The following RGL1 variants were observed in gnomAD, a reference collection of about 807,000 sequenced individuals.
The protein encoded by RGL1 is ral guanine nucleotide dissociation stimulator like 1, also known as ral guanine nucleotide dissociation stimulator-like 1.
A neutral mutation model predicts 95.2 loss-of-function variants in RGL1; 24 were observed. That is an observed-to-expected ratio of 0.25 (90% CI 0.18 to 0.35). The LOEUF (loss-of-function observed/expected upper bound fraction) is 0.35, where lower values mean the gene tolerates loss of function less well. RGL1 is among the 10% of genes least tolerant of loss of function. The pLI, the probability that RGL1 is intolerant of heterozygous loss-of-function variation, is 1.00. For missense variants in RGL1, 715 were observed against 936.3 expected (o/e 0.76, Z 3.08); for synonymous variants, 329 against 344.9 (o/e 0.95, Z 0.51).
chr1:183,644,670 T>C (rs1048493371), intron 1 of RGL1, among the ~76,000 whole-genome samples: 8 of 152,102 alleles, frequency 5.3e-5, no homozygotes, highest in Non-Finnish European at 1.2e-4. Context: ...TTTTTAATTT[T>C]TAAATTTATT....
chr1:183,638,346 G>A (rs1361081620), intron 1 of RGL1, among the ~76,000 whole-genome samples: 1 of 152,142 alleles, frequency 6.6e-6, no homozygotes, highest in Non-Finnish European at 1.5e-5. Context: ...TTCTAATGCA[G>A]TATTTTTTAT....
intron 2 of RGL1, among the ~76,000 whole-genome samples, chr1:183,807,346 G>A (rs1326593350): frequency 6.6e-6 from 1 of 152,216 alleles, no homozygotes; most frequent in African/African-American, 2.4e-5. Context: ...TAGAGGGGGT[G>A]GAGTGTGATT....
chr1:183,773,072 C>T (rs1659385654), intron 2 of RGL1, among the ~76,000 whole-genome samples: 1 of 149,476 alleles, frequency 6.7e-6, no homozygotes, highest in South Asian at 2.1e-4. Flanking sequence ...ATCTATAATC[C>T]CAATGCCTTT....
chr1:183,688,494 G>A (rs1653754588), intron 1 of RGL1, among the ~76,000 whole-genome samples: 1 of 152,076 alleles, frequency 6.6e-6, no homozygotes, highest in South Asian at 2.1e-4. Context: ...GGACTTTCAT[G>A]TCTTTAAAAG....
In RGL1 at chr1:183,880,623, G is replaced by A. The variant is rs1388410955; in HGVS notation, c.433G>A (p.Ala145Thr). ...TCCATTTGTCTTTCTCAGTGCAATC[G>A]CTTCCATACTAAGGGCCTGGCTTGA... ...ESKMVIRNAI[A>T]SILRAWLDQC... The change falls in exon 5 of 18, where the codon GCT becomes ACT. Residue 145 changes from alanine to threonine, a missense_variant. By Grantham distance (58) the Ala-to-Thr change is moderately conservative. Coordinates refer to ENST00000360851, the MANE Select transcript of RGL1 (RefSeq NM_001297671.3). 1.4e-5 allele frequency: 23 copies of A among 1,613,368 alleles called. No homozygotes were observed. Among genetic ancestry groups the A allele is most frequent in the Non-Finnish European group, 1.9e-5 (22 of 1,179,746 alleles).
intron 2 of RGL1, among the ~76,000 whole-genome samples, chr1:183,846,240 G>A (rs1664419607): frequency 6.6e-6 from 1 of 152,162 alleles, no homozygotes; most frequent in African/African-American, 2.4e-5. Context: ...CATGTCCTTT[G>A]GAGGGACATG....
At chr1:183,812,678 G>A (rs887634551) in intron 2 of RGL1, among the ~76,000 whole-genome samples, 1 of 152,242 alleles carries the variant, frequency 6.6e-6, no homozygotes, top group African/African-American at 2.4e-5. Context: ...GCGAGTGACA[G>A]GTGGGCAGTC....
chr1:183,675,717 A>T (rs549961916), intron 1 of RGL1, among the ~76,000 whole-genome samples: 1 of 152,348 alleles, frequency 6.6e-6, no homozygotes, highest in South Asian at 2.1e-4. Flanking sequence ...GTTGAGCTAA[A>T]ATATACTCTC....
chr1:183,711,572 G>A lies in RGL1; in HGVS notation c.-32-30554G>A, dbSNP rs77736618. On this transcript the variant is annotated intron_variant, in intron 1 of 18. Coordinates refer to the RGL1 transcript ENST00000304685. ...TCTTAAGATTAGTAAGGTTGAATGGGGTACAAAGGTGAGAGTCTAGGGGCC... is the reference window on the plus strand; with the variant it reads ...TCTTAAGATTAGTAAGGTTGAATGGAGTACAAAGGTGAGAGTCTAGGGGCC... Among the ~76,000 whole-genome samples the A allele has an allele frequency of 2.2e-3, 341 of 152,282 alleles. 12 individuals are homozygous for A. The East Asian group carries it at 0.057, about 26-fold the overall frequency.
In RGL1 at chr1:183,892,101, A is replaced by T. The variant is rs1204931192; in HGVS notation, c.1080A>T (p.Glu360Asp). 17 of 1,612,606 alleles carry T rather than the reference A, an allele frequency of 1.1e-5. No homozygotes were observed. The highest frequency in any genetic ancestry group is 1.4e-5 in the Non-Finnish European group (16 of 1,179,188). The change falls in exon 9 of 18, where the codon GAA becomes GAT. Residue 360 changes from glutamate (E) to aspartate (D), a missense_variant. Glu to Asp is a conservative substitution (Grantham distance 45). This residue lies in a region of RGL1 where 381 missense variants were observed against 484.8 expected (regional missense o/e 0.79). Coordinates refer to ENST00000360851, the MANE Select transcript of RGL1 (RefSeq NM_001297671.3). Reference sequence around the variant, plus strand: ...GGGACCGAATGCTGATGTTTGAAGAACTTTCAGATATCTTCTCAGACCATA... The same window carrying T: ...GGGACCGAATGCTGATGTTTGAAGATCTTTCAGATATCTTCTCAGACCATA... ...VPRDRMLMFE[E>D]LSDIFSDHNN...
rs1030937451 is a variant in RGL1 at position 183,907,681 on chromosome 1, C to T, written c.1562+580C>T. On this transcript the variant is annotated intron_variant, in intron 14 of 17. Transcript: ENST00000360851. ...CCCTTTCTAATGTTGCTGTCCACCC[C>T]TCATTCTCATTCATACTAGCTGCTT... Among the ~76,000 whole-genome samples the T allele has an allele frequency of 2.0e-5, 3 of 152,320 alleles. No homozygotes were observed. The South Asian group carries it at 6.2e-4, about 32-fold the overall frequency.
intron 1 of RGL1, chr1:183,709,265 T>A (rs746735415): frequency 6.6e-6 from 1 of 152,330 alleles, no homozygotes; most frequent in Non-Finnish European, 1.5e-5. Context: ...ATTCACCCCC[T>A]CACCCTCTTC....
chr1:183,732,746 T>C (rs2102233411), intron 1 of RGL1, among the ~76,000 whole-genome samples: 1 of 152,252 alleles, frequency 6.6e-6, no homozygotes, highest in East Asian at 1.9e-4. Flanking sequence ...CAGGCTTGGT[T>C]TTGCTACGAA....
At chr1:183,755,603 G>A (rs1158663522) in intron 2 of RGL1, among the ~76,000 whole-genome samples, 1 of 151,900 alleles carries the variant, frequency 6.6e-6, no homozygotes, top group African/African-American at 2.4e-5. Flanking sequence ...GATTACATGG[G>A]TGTACGTATT....
Position 183,758,857 on chromosome 1 carries a change from C to T in RGL1, c.132+16568C>T, listed in dbSNP as rs112573009. ...ACCTATTTAAATGGTGCCCTTAACTCCATCCTATTTAAATAGAACTTAGAA... is the reference window on the plus strand; with the variant it reads ...ACCTATTTAAATGGTGCCCTTAACTTCATCCTATTTAAATAGAACTTAGAA... On this transcript the variant is annotated intron_variant, in intron 2 of 18. Coordinates refer to the RGL1 transcript ENST00000304685. Among the ~76,000 whole-genome samples, 743 of 152,292 alleles carry T rather than the reference C, an allele frequency of 4.9e-3. 3 individuals carry two copies. The highest frequency in any genetic ancestry group is 0.011 in the African/African-American group (462 of 41,556).
intron 17 of RGL1, among the ~76,000 whole-genome samples, chr1:183,924,931 A>T (rs1436363574): frequency 1.3e-5 from 2 of 152,034 alleles, no homozygotes; most frequent in African/African-American, 4.8e-5. Flanking sequence ...GTGCCACTGC[A>T]CTGCAGCCTG....
At chr1:183,737,290 A>G (rs1656999640) in intron 1 of RGL1, among the ~76,000 whole-genome samples, 2 of 152,218 alleles carry the variant, frequency 1.3e-5, no homozygotes, top group South Asian at 2.1e-4. Context: ...CTGCTCATTT[A>G]CTTTTGGTGC....
At chr1:183,812,327 A>G (rs1661778723) in intron 2 of RGL1, among the ~76,000 whole-genome samples, 1 of 152,220 alleles carries the variant, frequency 6.6e-6, no homozygotes, top group Non-Finnish European at 1.5e-5. Flanking sequence ...CTCAAGACGT[A>G]GAGTTGATTT....
intron 4 of RGL1, among the ~76,000 whole-genome samples, chr1:183,878,150 T>A (rs4079923): frequency 0.17 from 19,448 of 111,486 alleles, 1,333 homozygotes; most frequent in African/African-American, 0.21. Flanking sequence ...TTGATTTTCT[T>A]TCTATCTATC....
Sources: allele counts gnomAD v4.1 joint callset (sites outside exome capture counted in the v4.1 genomes callset), GRCh38; gene constraint gnomAD v4.1.1; regional missense constraint gnomAD v4.1.1; transcripts MANE v1.5; gene names NCBI Gene and HGNC (gene_info 2026-07-23, HGNC 2026-07-21).